The following EVA1A variants were observed in gnomAD, a reference collection of about 807,000 sequenced individuals.
The protein encoded by EVA1A is eva-1 homolog A, regulator of programmed cell death.
In EVA1A, 7 loss-of-function variants were observed where a neutral mutation model predicts 9.8. The ratio of observed to expected loss-of-function variants is 0.71; its 90% CI spans 0.41 to 1.34. EVA1A has a LOEUF of 1.34. Ranked by LOEUF, EVA1A falls within the 40% of genes most tolerant of loss-of-function variation. The pLI is 0.01. For synonymous variants in EVA1A, 90 were observed against 85.6 expected (o/e 1.05, Z -0.28); for missense variants, 206 against 205.9 (o/e 1.00, Z 0.00).
chr2:75,518,153 GGGGACCT>G lies in EVA1A; in HGVS notation c.-20_-14del. On this transcript the variant is annotated 5_prime_UTR_variant, in exon 3 of 4. Transcript: ENST00000393913. ...GGGGCAGCCTCATGGGACATCCAGA[GGGGACCT>G]CCTGGAGGTGCTTGGCTGAATCAAC... 6.2e-7 allele frequency: 1 copy of G among 1,613,068 alleles called. No homozygotes were observed. Among genetic ancestry groups the G allele is most frequent in the Non-Finnish European group, 8.5e-7 (1 of 1,179,626 alleles).
chr2:75,544,551 G>C (rs545353744), intron 1 of EVA1A, among the ~76,000 whole-genome samples: 1 of 152,094 alleles, frequency 6.6e-6, no homozygotes, highest in Non-Finnish European at 1.5e-5. Flanking sequence ...CAAAATGCCA[G>C]ATTAAACATG....
chr2:75,500,861 A>G (rs1242506913), intron 3 of EVA1A, among the ~76,000 whole-genome samples: 3 of 151,730 alleles, frequency 2.0e-5, no homozygotes, highest in African/African-American at 7.3e-5. Context: ...AATCTCAGCC[A>G]TTCTCATGTC....
intron 3 of EVA1A, among the ~76,000 whole-genome samples, chr2:75,515,171 C>A (rs1392030802): frequency 6.6e-6 from 1 of 152,116 alleles, no homozygotes; most frequent in East Asian, 1.9e-4. Context: ...TTTATAAAAG[C>A]TCTTTATTTG....
chr2:75,542,993 G>A (rs1345887272), intron 1 of EVA1A, among the ~76,000 whole-genome samples: 1 of 152,118 alleles, frequency 6.6e-6, no homozygotes, highest in East Asian at 1.9e-4. Context: ...TGGAACCACA[G>A]GGAACATTAG....
At chr2:75,541,405 C>T (rs568381121) in intron 1 of EVA1A, among the ~76,000 whole-genome samples, 4 of 152,304 alleles carry the variant, frequency 2.6e-5, no homozygotes, top group Admixed American at 2.6e-4. Flanking sequence ...CAATCAAAAG[C>T]TAGTCCTGTG....
At chr2:75,514,362 G>C (rs1390477187) in intron 3 of EVA1A, among the ~76,000 whole-genome samples, 1 of 152,144 alleles carries the variant, frequency 6.6e-6, no homozygotes, top group Non-Finnish European at 1.5e-5. Context: ...AGGCTGGAGT[G>C]AATTTGAAAT....
At chr2:75,553,643 C>T (rs926624716) in intron 1 of EVA1A, among the ~76,000 whole-genome samples, 7 of 152,178 alleles carry the variant, frequency 4.6e-5, no homozygotes, top group South Asian at 4.2e-4. Flanking sequence ...TTAGCACACC[C>T]ACAGGAACAC....
At chr2:75,549,755 A>G (rs1358456652) in intron 1 of EVA1A, among the ~76,000 whole-genome samples, 1 of 152,146 alleles carries the variant, frequency 6.6e-6, no homozygotes, top group Non-Finnish European at 1.5e-5. Flanking sequence ...CCCCAAGGCC[A>G]TTTCCCGTGT....
chr2:75,552,545 T>C lies in EVA1A; in HGVS notation c.-192+8135A>G, dbSNP rs530292236. Among the ~76,000 whole-genome samples the C allele has an allele frequency of 6.0e-4, 92 of 152,314 alleles. 1 individual carries two copies. The South Asian group carries it at 0.017, about 28-fold the overall frequency. The stretch of plus-strand genomic sequence containing the variant: ...CAATTCTCCACCCTAATTACCAGTG[T>C]CTTATTAGAATCTCATTATTTCTCA... On this transcript the variant is annotated intron_variant, in intron 1 of 3. Transcript: ENST00000393913.
chr2:75,561,130 TCCTGCCTGCCTC>T (rs1558696356), upstream of EVA1A: 1 of 151,958 alleles, frequency 6.6e-6, no homozygotes, highest in East Asian at 2.0e-4. Context: ...CGCTCCCAAC[TCCTGCCTGCCTC>T]CCCGCGCTGC....
At chr2:75,559,706 G>GGC (rs1676850995) in intron 1 of EVA1A, among the ~76,000 whole-genome samples, 1 of 131,218 alleles carries the variant, frequency 7.6e-6, no homozygotes, top group Non-Finnish European at 1.6e-5. Context: ...GTGGGGGGGG[G>GGC]GCGGGGGAGT....
At chr2:75,494,692 A>G (rs1674144770) in intron 3 of EVA1A, among the ~76,000 whole-genome samples, 1 of 152,196 alleles carries the variant, frequency 6.6e-6, no homozygotes, top group African/African-American at 2.4e-5. Flanking sequence ...GAACCAAGGA[A>G]CCCAGCTAAG....
chr2:75,505,869 G>T (rs980115974), intron 3 of EVA1A, among the ~76,000 whole-genome samples: 1 of 151,924 alleles, frequency 6.6e-6, no homozygotes, highest in African/African-American at 2.4e-5. Flanking sequence ...TTCACAACCT[G>T]AATATAACTA....
intron 3 of EVA1A, among the ~76,000 whole-genome samples, chr2:75,499,851 G>A (rs754051107): frequency 2.0e-5 from 3 of 152,104 alleles, no homozygotes; most frequent in Non-Finnish European, 2.9e-5. Flanking sequence ...CTCACTGCTC[G>A]GCCGTACTCG....
At chr2:75,547,670 G>C (rs918064056) in intron 1 of EVA1A, among the ~76,000 whole-genome samples, 1 of 152,082 alleles carries the variant, frequency 6.6e-6, no homozygotes, top group African/African-American at 2.4e-5. Context: ...TCACTTTGGA[G>C]CACACCACAA....
chr2:75,499,828 G>T (rs752412813), intron 3 of EVA1A, among the ~76,000 whole-genome samples: 8 of 152,142 alleles, frequency 5.3e-5, no homozygotes, highest in Non-Finnish European at 1.2e-4. Context: ...GTCTAAAAGG[G>T]CCTGAGTTTC....
chr2:75,506,437 A>G (rs974244339), intron 3 of EVA1A, among the ~76,000 whole-genome samples: 2 of 152,172 alleles, frequency 1.3e-5, no homozygotes, highest in South Asian at 4.1e-4. Context: ...GGATATTCCA[A>G]CTGTTTAAAA....
At chr2:75,506,302 C>G (rs1010498043) in intron 3 of EVA1A, among the ~76,000 whole-genome samples, 2 of 152,216 alleles carry the variant, frequency 1.3e-5, no homozygotes, top group African/African-American at 2.4e-5. Context: ...CTGTGTCAAA[C>G]AGGATACATA....
chr2:75,526,238 G>A (rs532815306), intron 1 of EVA1A: 9 of 152,320 alleles, frequency 5.9e-5, no homozygotes, highest in Non-Finnish European at 1.2e-4. Context: ...TGTAAATTAA[G>A]TGGACAGTTG....
Sources: allele counts gnomAD v4.1 joint callset (sites outside exome capture counted in the v4.1 genomes callset), GRCh38; gene constraint gnomAD v4.1.1; transcripts MANE v1.5; gene names NCBI Gene and HGNC (gene_info 2026-07-23, HGNC 2026-07-21).